The following MRC2 variants were observed in gnomAD, a reference collection of about 807,000 sequenced individuals.
MRC2 encodes mannose receptor C-type 2.
A neutral mutation model predicts 206.2 loss-of-function variants in MRC2; 84 were observed. The observed-to-expected ratio is 0.41, with a 90% CI of 0.34 to 0.49. The LOEUF (loss-of-function observed/expected upper bound fraction) is 0.49. Among genes scored for constraint, MRC2 ranks in the 20% least tolerant of loss-of-function variants. MRC2 has a pLI of 0.31. For missense variants in MRC2, 1,676 were observed against 2,001.5 expected (o/e 0.84, Z 3.10); for synonymous variants, 798 against 800.0 (o/e 1.00, Z 0.04).
chr17:62,669,212 G>C (rs918652830), intron 6 of MRC2, among the ~76,000 whole-genome samples: 2 of 151,874 alleles, frequency 1.3e-5, no homozygotes, highest in African/African-American at 4.8e-5. Context: ...ACTCAGGACT[G>C]GTTTTTTTGT....
chr17:62,662,864 G>A (rs1568059364), intron 1 of MRC2, among the ~76,000 whole-genome samples: 1 of 152,072 alleles, frequency 6.6e-6, no homozygotes, highest in East Asian at 1.9e-4. Context: ...AGCCGAGATC[G>A]AGCCATTGCA....
intron 1 of MRC2, among the ~76,000 whole-genome samples, chr17:62,628,863 G>A (rs777069199): frequency 6.6e-5 from 10 of 152,122 alleles, no homozygotes; most frequent in Admixed American, 1.3e-4. Context: ...GCCCGGCCCA[G>A]CTTGGTCCTG....
In MRC2 at chr17:62,688,392, C is replaced by T. The variant is rs911388712; in HGVS notation, c.3050C>T (p.Pro1017Leu). Residue 1017 changes from proline to leucine, a missense_variant, in exon 21 of 30, where the codon CCC becomes CTC. Transcript: ENST00000303375. Reference sequence around the variant, plus strand: ...GCCCAGCTGGTCACCATCACAAACCCCTTAGAGCAAGGTAGGGCCAGCCTA... The same window carrying T: ...GCCCAGCTGGTCACCATCACAAACCTCTTAGAGCAAGGTAGGGCCAGCCTA... ...QEAQLVTITN[P>L]LEQAFITASL... 12 of 1,614,116 alleles carry T rather than the reference C, an allele frequency of 7.4e-6. No individual in the cohort carries two copies. The Admixed American group carries it at 1.7e-4, about 22-fold the overall frequency.
chr17:62,655,037 G>T lies in MRC2; in HGVS notation c.119-9511G>T, dbSNP rs142668728. Among the ~76,000 whole-genome samples, 23 of 152,340 alleles carry T rather than the reference G, an allele frequency of 1.5e-4. No individual in the cohort carries two copies. The East Asian group carries it at 4.4e-3, about 29-fold the overall frequency. On this transcript the variant is annotated intron_variant, in intron 1 of 29. Transcript: ENST00000303375. ...GCGGTGGCTCACACCTGTAATCCCA[G>T]CACTTTGGGAGGCCGAGGCAGGCGG...
At chr17:62,651,273 A>G (rs550009836) in intron 1 of MRC2, among the ~76,000 whole-genome samples, 4 of 152,050 alleles carry the variant, frequency 2.6e-5, no homozygotes, top group Admixed American at 1.3e-4. Context: ...TAGTAGAGAC[A>G]GGGTTTCACC....
chr17:62,627,844 C>G lies in MRC2; in HGVS notation c.42C>G (p.His14Gln), dbSNP rs1160896727. ...CGGCCCCCGCGCCCTGGCCTCGTCACCTGCTGCGCTGCGTCCTGCTCCTCG... is the reference window on the plus strand; with the variant it reads ...CGGCCCCCGCGCCCTGGCCTCGTCAGCTGCTGCGCTGCGTCCTGCTCCTCG... ...GRPAPAPWPR[H>Q]LLRCVLLLGC... Residue 14 changes from histidine to glutamine, a missense_variant, in exon 1 of 30, where the codon CAC (histidine) becomes CAG (glutamine). By Grantham distance (24) the His-to-Gln change is conservative (BLOSUM62 0). This residue lies in a region of MRC2 where 318 missense variants were observed against 346.7 expected (regional missense o/e 0.92). Coordinates refer to ENST00000303375, the MANE Select transcript of MRC2 (RefSeq NM_006039.5). 1 of 1,473,596 alleles carries G rather than the reference C, an allele frequency of 6.8e-7. No homozygotes were observed. Among genetic ancestry groups the G allele is most frequent in the African/African-American group, 1.5e-5 (1 of 68,030 alleles). The allele number at this position is 1,473,596 out of a possible 1,614,324, so 91.3% of individuals were successfully genotyped here.
intron 1 of MRC2, among the ~76,000 whole-genome samples, chr17:62,643,143 C>T (rs538703740): frequency 6.6e-6 from 1 of 152,124 alleles, no homozygotes; most frequent in African/African-American, 2.4e-5. Flanking sequence ...GCCTGGCCAG[C>T]ATGATGAAAC....
chr17:62,634,280 A>G (rs1252835906), intron 1 of MRC2, among the ~76,000 whole-genome samples: 5 of 152,180 alleles, frequency 3.3e-5, no homozygotes, highest in Non-Finnish European at 4.4e-5. Flanking sequence ...GTATAAAAAA[A>G]TGGGCAGTGA....
At position 62,680,463 on chromosome 17, in the gene MRC2, C is replaced by G. The variant is rs768080824; in HGVS notation, c.2473+10C>G. On this transcript the variant is annotated intron_variant, in intron 16 of 29. Transcript: ENST00000303375. This position sits in a 1 kb window ranked among gnomAD's most constrained non-coding sequence, Gnocchi z 4.8. ...GACGACAGCCCTCAAGGTGAGCACC[C>G]CCCAGCCCATCCCGCTACCCATCGC... 7.2e-5 allele frequency: 117 copies of G among 1,613,840 alleles called. 2 individuals carry two copies. The South Asian group carries it at 1.1e-3, about 15-fold the overall frequency.
rs1323263426 is a variant in MRC2 at position 62,676,541 on chromosome 17, T to C, written c.1834+10T>C. ...AACCGGGACCAGCCCGGTGAGCCCC[T>C]TATTTGACTTGCCTTGGTGAAGCGA... On this transcript the variant is annotated intron_variant, in intron 11 of 29. Coordinates refer to ENST00000303375, the MANE Select transcript of MRC2 (RefSeq NM_006039.5). 6.4e-7 allele frequency: 1 copy of C among 1,573,540 alleles called. No individual in the cohort carries two copies. The highest frequency in any genetic ancestry group is 1.8e-5 in the Admixed American group (1 of 54,922).
Position 62,675,779 on chromosome 17 carries a change from T to G in MRC2, c.1570-11T>G. ...CTACAGACACCCCTCTTCTGTCCAC[T>G]CTTGAGCCAGGGTTGGACGTGGCAC... On this transcript the variant is annotated splice_polypyrimidine_tract_variant and intron_variant, in intron 9 of 29. Coordinates refer to ENST00000303375, the MANE Select transcript of MRC2 (RefSeq NM_006039.5). The surrounding 1 kb of genome is among the most constrained non-coding windows in gnomAD (Gnocchi z 4.1). 1 of 1,610,892 alleles carries G rather than the reference T, an allele frequency of 6.2e-7. No homozygotes were observed. The highest frequency in any genetic ancestry group is 8.5e-7 in the Non-Finnish European group (1 of 1,177,102).
At chr17:62,653,166 G>T (rs1428398295) in intron 1 of MRC2, among the ~76,000 whole-genome samples, 1 of 152,180 alleles carries the variant, frequency 6.6e-6, no homozygotes, top group Non-Finnish European at 1.5e-5. Flanking sequence ...TAGCGCGGCC[G>T]CTCTCCAGTT....
In MRC2 at chr17:62,675,950, G is replaced by C. The variant is rs766861842; in HGVS notation, c.1685+45G>C. The C allele has an allele frequency of 1.3e-6, 2 of 1,521,836 alleles. No homozygotes were observed. The highest frequency in any genetic ancestry group is 4.5e-5 in the East Asian group (2 of 44,326). The allele number at this position is 1,521,836 out of a possible 1,614,324, so 94.3% of individuals were successfully genotyped here. Reference sequence around the variant, plus strand: ...CCTGACTAGCCCTTGCCCATGTCTGGGCCTATTGTGGTCCCTTCAGCAAAC... The same window carrying C: ...CCTGACTAGCCCTTGCCCATGTCTGCGCCTATTGTGGTCCCTTCAGCAAAC... On this transcript the variant is annotated intron_variant, in intron 10 of 29. Transcript: ENST00000303375. This position sits in a 1 kb window ranked among gnomAD's most constrained non-coding sequence, Gnocchi z 4.1.
chr17:62,678,588 A>G lies in MRC2; in HGVS notation c.2137A>G (p.Ser713Gly). 1 of 1,609,606 alleles carries G rather than the reference A, an allele frequency of 6.2e-7. No individual in the cohort carries two copies. The highest frequency in any genetic ancestry group is 8.5e-7 in the Non-Finnish European group (1 of 1,178,836). ...CCAGGAGCTGGGGGCCCAGCTGCTG[A>G]GCCTGGCCAGCTACGAGGAGGAGCA... ...ACQELGAQLL[S>G]LASYEEEHFV... The change falls in exon 13 of 30, where the codon AGC (serine) becomes GGC (glycine). Residue 713 changes from serine to glycine, a missense_variant. Physicochemically the swap from Ser to Gly is moderately conservative, Grantham distance 56. Coordinates refer to ENST00000303375, the MANE Select transcript of MRC2 (RefSeq NM_006039.5).
intron 20 of MRC2, among the ~76,000 whole-genome samples, chr17:62,683,632 G>A (rs1383954707): frequency 6.6e-6 from 1 of 151,132 alleles, no homozygotes; most frequent in African/African-American, 2.4e-5. Flanking sequence ...GGGAGGCTGA[G>A]GCAGGAGGAT....
At chr17:62,665,960 T>C (rs1307287727) in intron 2 of MRC2, 134 bp from the exon 3 acceptor site, 3 of 903,954 alleles carry the variant, frequency 3.3e-6, no homozygotes, top group Non-Finnish European at 4.9e-6. Flanking sequence ...TGGGGTGCCA[T>C]TGCCTCTCCC....
chr17:62,629,420 TG>T (rs1188228068), intron 1 of MRC2, among the ~76,000 whole-genome samples: 2 of 151,904 alleles, frequency 1.3e-5, no homozygotes, highest in Non-Finnish European at 2.9e-5. Context: ...ACGCCTGGAG[TG>T]TCCCTCCTCC....
intron 28 of MRC2, 112 bp from the exon 29 acceptor site, chr17:62,692,000 C>A: frequency 1.4e-6 from 2 of 1,391,360 alleles, no homozygotes; most frequent in Non-Finnish European, 2.0e-6. Flanking sequence ...GGAACTAGAG[C>A]CTCTTTCTCC....
intron 1 of MRC2, among the ~76,000 whole-genome samples, chr17:62,635,628 C>A (rs1052385784): frequency 1.3e-5 from 2 of 152,142 alleles, no homozygotes; most frequent in Middle Eastern, 3.2e-3. Context: ...CCTCACCTTG[C>A]AGCATGCATG....
Sources: allele counts gnomAD v4.1 joint callset (sites outside exome capture counted in the v4.1 genomes callset), GRCh38; gene constraint gnomAD v4.1.1; regional missense constraint gnomAD v4.1.1; non-coding constraint Gnocchi (gnomAD v3.1); transcripts MANE v1.5; gene names NCBI Gene and HGNC (gene_info 2026-07-23, HGNC 2026-07-21).